RAD54L2: variants seen among roughly 807,000 people sequenced by gnomAD.
RAD54L2 encodes RAD54 like 2.
Under a neutral mutation model 138.4 loss-of-function variants are expected in RAD54L2, and 27 were observed. The observed-to-expected ratio is 0.20, with a 90% CI of 0.14 to 0.27. The LOEUF (loss-of-function observed/expected upper bound fraction) is 0.27, where lower values mean the gene tolerates loss of function less well. Ranked by LOEUF, RAD54L2 falls within the 10% of genes least tolerant of loss-of-function variation. The pLI, the probability that RAD54L2 is intolerant of heterozygous loss-of-function variation, is 1.00. For missense variants in RAD54L2, 1,396 were observed against 1,890.2 expected (o/e 0.74, Z 4.85); for synonymous variants, 644 against 723.2 (o/e 0.89, Z 1.76).
intron 3 of RAD54L2, among the ~76,000 whole-genome samples, chr3:51,604,931 C>CT (rs983118566): frequency 7.9e-5 from 12 of 151,144 alleles, no homozygotes; most frequent in South Asian, 4.2e-4. Context: ...TTCTTTTTTT[C>CT]TTTTTTTTGA....
chr3:51,634,875 A>C (rs566546948), intron 9 of RAD54L2, among the ~76,000 whole-genome samples: 43 of 152,304 alleles, frequency 2.8e-4, no homozygotes, highest in Middle Eastern at 3.4e-3. Context: ...CAAAAGTCTA[A>C]AGCTATTTCT....
At chr3:51,619,786 TG>T (rs1700527640) in intron 3 of RAD54L2, among the ~76,000 whole-genome samples, 1 of 152,230 alleles carries the variant, frequency 6.6e-6, no homozygotes, top group Non-Finnish European at 1.5e-5. Flanking sequence ...AGGTCCTGGC[TG>T]GCAGTCTAAC....
In RAD54L2 at chr3:51,627,737, C is replaced by G; in HGVS notation, c.324C>G (p.His108Gln). ...PKKKRAQKPS[H>Q]MRRNIRKLLR... is the part of the protein sequence containing the mutation. ...AGAAGAGAGCTCAGAAGCCCTCCCA[C>G]ATGAGAAGAAACATACGGTGAGCTG... The change falls in exon 4 of 23, where the codon CAC (histidine) becomes CAG (glutamine). Residue 108 changes from histidine to glutamine, a missense_variant. This residue lies in a region of RAD54L2 where 256 missense variants were observed against 344.6 expected (regional missense o/e 0.74). Transcript: ENST00000684192. 1 of 1,613,958 alleles carries G rather than the reference C, an allele frequency of 6.2e-7. No individual in the cohort carries two copies. The highest frequency in any genetic ancestry group is 1.7e-4 in the Middle Eastern group (1 of 6,058).
intron 2 of RAD54L2, among the ~76,000 whole-genome samples, chr3:51,551,725 G>GTAGGA (rs1698842015): frequency 6.6e-6 from 1 of 151,244 alleles, no homozygotes; most frequent in Non-Finnish European, 1.5e-5. Context: ...GTGAGCCACT[G>GTAGGA]CACCCGGCCT....
chr3:51,646,832 G>A (rs755504953), intron 19 of RAD54L2, among the ~76,000 whole-genome samples: 4 of 152,156 alleles, frequency 2.6e-5, no homozygotes, highest in African/African-American at 4.8e-5. Context: ...TAGAAGTGGT[G>A]TTCAAGGATG....
intron 3 of RAD54L2, among the ~76,000 whole-genome samples, chr3:51,594,037 A>C (rs1699899375): frequency 7.1e-6 from 1 of 141,052 alleles, no homozygotes; most frequent in East Asian, 2.1e-4. Context: ...ACACTTTATC[A>C]TACTTAATTG....
intron 2 of RAD54L2, among the ~76,000 whole-genome samples, chr3:51,583,586 A>ATTT (rs34377858): frequency 7.6e-6 from 1 of 132,052 alleles, no homozygotes; most frequent in African/African-American, 2.8e-5. Context: ...CGCCCAGCTA[A>ATTT]TTTTTTTTTT....
chr3:51,629,192 A>G lies in RAD54L2; in HGVS notation c.342-142A>G, dbSNP rs954105285. The G allele has an allele frequency of 1.3e-5, 11 of 838,904 alleles. No individual in the cohort carries two copies. The African/African-American group carries it at 1.9e-4, about 14-fold the overall frequency. The allele number at this position is 838,904 out of a possible 1,614,324, so 52.0% of individuals were successfully genotyped here. On this transcript the variant is annotated intron_variant, in intron 4 of 22. Transcript: ENST00000684192. ...CTGTTTTTTGAATGCTGCTCCTTGC[A>G]TGGGTATGGTGGGGCTGATGTGGCT...
At chr3:51,542,738 C>T (rs1310525150) in intron 2 of RAD54L2, among the ~76,000 whole-genome samples, 1 of 152,198 alleles carries the variant, frequency 6.6e-6, no homozygotes, top group Non-Finnish European at 1.5e-5. Context: ...GCTGGGGTTA[C>T]AGGTGTGAGC....
At chr3:51,587,987 C>T (rs1699743859) in intron 2 of RAD54L2, among the ~76,000 whole-genome samples, 1 of 149,740 alleles carries the variant, frequency 6.7e-6, no homozygotes, top group Non-Finnish European at 1.5e-5. Context: ...GAGATCGAGA[C>T]CATCCTGGCT....
intron 21 of RAD54L2, 91 bp downstream of exon 21, chr3:51,657,760 G>C: frequency 1.1e-6 from 1 of 893,262 alleles, no homozygotes; most frequent in Non-Finnish European, 1.8e-6. Context: ...GAGCTAGACG[G>C]GTCATAGGAA....
At chr3:51,660,343 C>T (rs1440114603) in intron 22 of RAD54L2, among the ~76,000 whole-genome samples, 3 of 151,842 alleles carry the variant, frequency 2.0e-5, no homozygotes. Flanking sequence ...GGGTCTCGCT[C>T]TGTCGCCCAG....
chr3:51,652,990 G>A (rs905236519), intron 19 of RAD54L2, among the ~76,000 whole-genome samples: 1 of 152,148 alleles, frequency 6.6e-6, no homozygotes, highest in African/African-American at 2.4e-5. Context: ...GAGTGAACAG[G>A]CAACCTACAG....
chr3:51,546,620 A>C (rs1264347100), intron 2 of RAD54L2, among the ~76,000 whole-genome samples: 1 of 152,108 alleles, frequency 6.6e-6, no homozygotes, highest in Non-Finnish European at 1.5e-5. Flanking sequence ...AGCCCAGGCA[A>C]CAAGAGTGAA....
chr3:51,634,679 T>C (rs1315703952), intron 9 of RAD54L2, among the ~76,000 whole-genome samples: 1 of 152,194 alleles, frequency 6.6e-6, no homozygotes, highest in Non-Finnish European at 1.5e-5. Context: ...CTCTACTGTC[T>C]AATTTTTTAC....
intron 3 of RAD54L2, among the ~76,000 whole-genome samples, chr3:51,598,091 CAT>C (rs1352874087): frequency 6.7e-6 from 1 of 148,154 alleles, no homozygotes; most frequent in African/African-American, 2.5e-5. Context: ...CTAAAATACC[CAT>C]GATATATATA....
intron 7 of RAD54L2, 131 bp from the exon 8 acceptor site, chr3:51,633,446 A>T (rs989462740): frequency 3.5e-6 from 3 of 860,594 alleles, no homozygotes; most frequent in Non-Finnish European, 5.4e-6. Context: ...GGAATCTTCT[A>T]TGGCCATCCA....
intron 9 of RAD54L2, 109 bp downstream of exon 9, chr3:51,634,144 T>C: frequency 1.4e-6 from 2 of 1,381,116 alleles, no homozygotes; most frequent in Non-Finnish European, 1.9e-6. Flanking sequence ...TAGATTTGTT[T>C]TTGGTTTCCT....
intron 7 of RAD54L2, among the ~76,000 whole-genome samples, chr3:51,631,287 G>A (rs1372104840): frequency 6.6e-6 from 1 of 152,216 alleles, no homozygotes. Context: ...GAAGAGATGT[G>A]AGAGTCAGAA....
Sources: allele counts gnomAD v4.1 joint callset (sites outside exome capture counted in the v4.1 genomes callset), GRCh38; gene constraint gnomAD v4.1.1; regional missense constraint gnomAD v4.1.1; transcripts MANE v1.5; gene names NCBI Gene and HGNC (gene_info 2026-07-23, HGNC 2026-07-21).